Variants in COG4 observed in about 807,000 individuals in gnomAD.
COG4 encodes the protein component of oligomeric golgi complex 4.
A neutral mutation model predicts 95.1 loss-of-function variants in COG4; 65 were observed. The observed-to-expected ratio is 0.68, with a 90% CI of 0.56 to 0.84. The LOEUF (loss-of-function observed/expected upper bound fraction) is 0.84. Among genes scored for constraint, COG4 ranks in the 40% least tolerant of loss-of-function variants. COG4 has a pLI of 0.00. For synonymous variants in COG4, 421 were observed against 374.8 expected (o/e 1.12, Z -1.42); for missense variants, 1,045 against 989.1 (o/e 1.06, Z -0.76).
intron 13 of COG4, among the ~76,000 whole-genome samples, chr16:70,484,270 C>T (rs1014997047): frequency 3.9e-5 from 6 of 152,144 alleles, no homozygotes; most frequent in African/African-American, 1.4e-4. Context: ...AGTTGAGTGA[C>T]CTTGGGCAAA....
At chr16:70,495,358 T>C (rs1461706602) in intron 12 of COG4, among the ~76,000 whole-genome samples, 1 of 148,776 alleles carries the variant, frequency 6.7e-6, no homozygotes, top group East Asian at 1.9e-4. Flanking sequence ...GGTCATGCCA[T>C]TGCACTCCAG....
intron 8 of COG4, among the ~76,000 whole-genome samples, chr16:70,507,800 T>C (rs956259407): frequency 6.6e-6 from 1 of 150,690 alleles, no homozygotes; most frequent in Non-Finnish European, 1.5e-5. Context: ...AGGCAGGGGC[T>C]GTAGTGAGCC....
chr16:70,514,160 AG>A (rs1362763600), intron 4 of COG4, among the ~76,000 whole-genome samples, 174 bp downstream of exon 4: 1 of 152,162 alleles, frequency 6.6e-6, no homozygotes, highest in Non-Finnish European at 1.5e-5. Context: ...CAGTAAGCCA[AG>A]ATGGCACCAC....
Position 70,509,297 on chromosome 16 carries a change from C to T in COG4, c.936G>A (p.Val312=). 1 of 1,614,182 alleles carries T rather than the reference C, an allele frequency of 6.2e-7. No homozygotes were observed. The highest frequency in any genetic ancestry group is 8.5e-7 in the Non-Finnish European group (1 of 1,180,042). ...CCTTCTCCACCTGTCTGTCACATTC[C>T]ACCTGCAGATATTTGATCAGGGTAT... ...RLYTLIKYLQ[V]ECDRQVEKVV... is the part of the protein sequence containing the mutation. The change falls in exon 7 of 19, where the codon GTG becomes GTA. Residue 312 remains valine (V), a synonymous_variant. Transcript: ENST00000323786.
At chr16:70,482,270 C>CA (rs2049015143) in intron 15 of COG4, 95 bp from the exon 16 acceptor site, 1 of 854,636 alleles carries the variant, frequency 1.2e-6, no homozygotes, top group African/African-American at 1.7e-5. Flanking sequence ...TAATGTAAAA[C>CA]ATTCTTCCTT....
At position 70,482,206 on chromosome 16, in the gene COG4, G is replaced by A. The variant is rs12447090; in HGVS notation, c.1921-31C>T. On this transcript the variant is annotated intron_variant, in intron 15 of 18. Coordinates refer to ENST00000323786, the MANE Select transcript of COG4 (RefSeq NM_015386.3). ...GTCAGGAAGCAGGGCTGGTCACCAT[G>A]GGCCTCATAAGAAGTACCATTCATT... 626,851 of 1,420,428 alleles carry A rather than the reference G, an allele frequency of 0.44. 146,161 individuals are homozygous for A. The highest frequency in any genetic ancestry group is 0.48 in the Non-Finnish European group (479,322 of 1,004,088). The allele number at this position is 1,420,428 out of a possible 1,614,324, so 88.0% of individuals were successfully genotyped here.
At chr16:70,517,858 C>A in intron 2 of COG4, 118 bp from the exon 3 acceptor site, 1 of 718,648 alleles carries the variant, frequency 1.4e-6, no homozygotes, top group Non-Finnish European at 2.5e-6. Context: ...TAACTCTTAG[C>A]TCAGTTTGCT....
At chr16:70,506,628 A>AAAAAAAT in intron 8 of COG4, among the ~76,000 whole-genome samples, 1 of 135,700 alleles carries the variant, frequency 7.4e-6, no homozygotes, top group Admixed American at 7.4e-5. Context: ...CAAAAAAAAA[A>AAAAAAAT]ACATTTAGCT....
intron 9 of COG4, among the ~76,000 whole-genome samples, chr16:70,499,570 C>T (rs1385077651): frequency 1.3e-5 from 2 of 152,156 alleles, no homozygotes; most frequent in Non-Finnish European, 2.9e-5. Context: ...TCCTTTAATT[C>T]TTACTTTAGT....
intron 3 of COG4, chr16:70,515,832 G>GT: frequency 3.0e-6 from 1 of 331,976 alleles, no homozygotes; most frequent in Non-Finnish European, 5.9e-6. Flanking sequence ...GCTGAGGGTT[G>GT]TTTTTTTAAA....
At chr16:70,512,568 T>C in intron 4 of COG4, 136 bp from the exon 5 acceptor site, 1 of 747,964 alleles carries the variant, frequency 1.3e-6, no homozygotes, top group Non-Finnish European at 2.3e-6. Flanking sequence ...GCTAGTAATA[T>C]GCATGATTAC....
chr16:70,517,330 A>C (rs936121157), intron 3 of COG4, among the ~76,000 whole-genome samples: 2 of 151,976 alleles, frequency 1.3e-5, no homozygotes. Flanking sequence ...CAGGAGTTTG[A>C]GGCCAGCCTG....
intron 6 of COG4, 84 bp downstream of exon 6, chr16:70,509,832 C>A: frequency 1.0e-6 from 1 of 986,236 alleles, no homozygotes; most frequent in Non-Finnish European, 1.6e-6. Context: ...TTAAAGTCAT[C>A]AGGCTAGAAG....
At chr16:70,517,018 G>A (rs8049786) in intron 3 of COG4, among the ~76,000 whole-genome samples, 85,934 of 151,844 alleles carry the variant, frequency 0.57, 27,477 homozygotes, top group African/African-American at 0.88. Context: ...GCCTGCCTCA[G>A]TCTCCCAAAG....
At chr16:70,505,205 T>C (rs1411166045) in intron 8 of COG4, among the ~76,000 whole-genome samples, 1 of 149,098 alleles carries the variant, frequency 6.7e-6, no homozygotes, top group Non-Finnish European at 1.5e-5. Flanking sequence ...TTCTTTTTTT[T>C]TTTTTTTTTT....
Position 70,497,209 on chromosome 16 carries a change from A to G in COG4, c.1481+12T>C, listed in dbSNP as rs765239084. The G allele has an allele frequency of 2.2e-5, 35 of 1,613,766 alleles. No individual in the cohort carries two copies. The highest frequency in any genetic ancestry group is 1.6e-4 in the Middle Eastern group (1 of 6,082). ...CTTTCTGCCTAGAAAGGAGAAAGGG[A>G]GTCAACTGTACCTGAAGTCAGACTC... is the stretch of plus-strand genomic sequence containing the variant. On this transcript the variant is annotated intron_variant, in intron 11 of 18. Coordinates refer to ENST00000323786, the MANE Select transcript of COG4 (RefSeq NM_015386.3).
At chr16:70,504,233 T>C (rs1268667795) in intron 8 of COG4, among the ~76,000 whole-genome samples, 2 of 152,146 alleles carry the variant, frequency 1.3e-5, no homozygotes, top group Non-Finnish European at 2.9e-5. Context: ...CCCTGGGGTA[T>C]TTTAGCATCT....
intron 3 of COG4, among the ~76,000 whole-genome samples, chr16:70,516,576 G>A (rs967052931): frequency 3.9e-5 from 6 of 152,028 alleles, no homozygotes; most frequent in Non-Finnish European, 7.4e-5. Context: ...GACTACAGGC[G>A]TGAGCCACCG....
At chr16:70,481,582 C>A in intron 17 of COG4, 95 bp from the exon 18 acceptor site, 2 of 1,573,584 alleles carry the variant, frequency 1.3e-6, no homozygotes, top group East Asian at 2.2e-5. Context: ...GCCCGCCAGG[C>A]CTCAGGTGGT....
Sources: allele counts gnomAD v4.1 joint callset (sites outside exome capture counted in the v4.1 genomes callset), GRCh38; gene constraint gnomAD v4.1.1; transcripts MANE v1.5; gene names NCBI Gene and HGNC (gene_info 2026-07-23, HGNC 2026-07-21).